The following LARP4B variants were observed in gnomAD, a reference collection of about 807,000 sequenced individuals.
LARP4B encodes La ribonucleoprotein 4B.
A neutral mutation model predicts 89.8 loss-of-function variants in LARP4B; 12 were observed. The ratio of observed to expected loss-of-function variants is 0.13; its 90% CI spans 0.09 to 0.22. LARP4B has a LOEUF of 0.22. LARP4B is among the 10% of genes least tolerant of loss of function. The pLI, the probability that LARP4B is intolerant of heterozygous loss-of-function variation, is 1.00. For missense variants in LARP4B, 757 were observed against 947.7 expected, an observed-to-expected ratio of 0.80 and a Z score of 2.64; for synonymous variants, 367 against 363.3, an observed-to-expected ratio of 1.01 and a Z score of -0.12.
At chr10:908,071 T>G (rs1400192506) in intron 1 of LARP4B, among the ~76,000 whole-genome samples, 2 of 152,162 alleles carry the variant, frequency 1.3e-5, no homozygotes, top group East Asian at 3.8e-4. Context: ...CTGGGCCTGG[T>G]GGCGGGCACC....
chr10:921,055 C>A (rs946586068), intron 1 of LARP4B, among the ~76,000 whole-genome samples: 4 of 152,152 alleles, frequency 2.6e-5, no homozygotes, highest in African/African-American at 9.7e-5. Flanking sequence ...AGGCGGATCA[C>A]CTGAGGTGGG....
intron 5 of LARP4B, among the ~76,000 whole-genome samples, chr10:856,841 A>C (rs533279815): frequency 5.9e-5 from 9 of 152,332 alleles, no homozygotes; most frequent in African/African-American, 2.2e-4. Context: ...GTTTAACCAC[A>C]GTCCAACTTG....
the LARP4B span, among the ~76,000 whole-genome samples, chr10:957,499 T>G: frequency 2.0e-5 from 3 of 152,258 alleles, no homozygotes; most frequent in South Asian, 6.2e-4. Context: ...ATTTTGGGAT[T>G]GATGATGAAT....
At chr10:941,643 G>C in the LARP4B span, among the ~76,000 whole-genome samples, 1 of 152,338 alleles carries the variant, frequency 6.6e-6, no homozygotes, top group East Asian at 1.9e-4. Flanking sequence ...TTAAGCGATT[G>C]CAATTCCACC....
chr10:950,963 C>T, the LARP4B span, among the ~76,000 whole-genome samples: 1 of 151,986 alleles, frequency 6.6e-6, no homozygotes, highest in East Asian at 1.9e-4. Flanking sequence ...TTCCGTCCTT[C>T]CCGCCTGCCT....
chr10:945,179 T>C, the LARP4B span, among the ~76,000 whole-genome samples: 1 of 143,756 alleles, frequency 7.0e-6, no homozygotes, highest in Non-Finnish European at 1.5e-5. Context: ...AGGTCAGGAG[T>C]TCGAGACCAG....
chr10:925,993 T>C (rs1402652733), intron 1 of LARP4B, among the ~76,000 whole-genome samples: 1 of 152,250 alleles, frequency 6.6e-6, no homozygotes, highest in Non-Finnish European at 1.5e-5. Flanking sequence ...AACTTTCTAA[T>C]GTATGCTTTT....
chr10:932,185 C>G (rs1209745050), upstream of LARP4B, among the ~76,000 whole-genome samples: 172 of 147,898 alleles, frequency 1.2e-3, 2 homozygotes, highest in Non-Finnish European at 2.1e-3. Context: ...GGCCCTGCCC[C>G]GAACCCCTCA....
rs769337218 is a variant in LARP4B at position 814,868 on chromosome 10, G to A, written c.1821-18C>T. ...TGGGATCACTGTAAAAATGCCACCC[G>A]ATATTTGAATCTCATGCAACATCAC... On this transcript the variant is annotated intron_variant, in intron 16 of 17. Transcript: ENST00000316157. The surrounding 1 kb of genome is among the most constrained non-coding windows in gnomAD (Gnocchi z 4.4). 2.0e-5 allele frequency: 31 copies of A among 1,582,762 alleles called. No individual in the cohort carries two copies. Among genetic ancestry groups the A allele is most frequent in the Admixed American group, 1.0e-4 (6 of 58,358 alleles).
the LARP4B span, among the ~76,000 whole-genome samples, chr10:966,926 T>G: frequency 6.6e-6 from 1 of 152,218 alleles, no homozygotes; most frequent in Admixed American, 6.5e-5. Flanking sequence ...GGCCACCCCC[T>G]CTTCCCCACT....
Position 820,856 on chromosome 10 carries a change from G to C in LARP4B, c.1485-11C>G, listed in dbSNP as rs774034826. On this transcript the variant is annotated splice_polypyrimidine_tract_variant and intron_variant, in intron 13 of 17. Coordinates refer to ENST00000316157, the MANE Select transcript of LARP4B (RefSeq NM_015155.3). ...CCAAAGGAATTCTTCCTAGAGGAGT[G>C]GAAAGTGAAAGACTGTTATTTTTTT... 6.2e-7 allele frequency: 1 copy of C among 1,612,316 alleles called. No individual in the cohort carries two copies. The highest frequency in any genetic ancestry group is 1.1e-5 in the South Asian group (1 of 90,578).
chr10:982,872 G>T, the LARP4B span, among the ~76,000 whole-genome samples: 2 of 152,246 alleles, frequency 1.3e-5, no homozygotes, highest in African/African-American at 4.8e-5. Context: ...TATTTGCTGG[G>T]TAGGGATCAT....
chr10:901,857 T>G (rs1836354002), intron 1 of LARP4B, among the ~76,000 whole-genome samples: 1 of 152,106 alleles, frequency 6.6e-6, no homozygotes, highest in Non-Finnish European at 1.5e-5. Flanking sequence ...ATAGTTTGAG[T>G]TGGTTCTCCT....
chr10:890,502 A>C (rs1794410687), intron 1 of LARP4B, among the ~76,000 whole-genome samples: 1 of 152,198 alleles, frequency 6.6e-6, no homozygotes. Flanking sequence ...AGAGTGAATC[A>C]ATTTAAATAA....
At chr10:927,778 G>A (rs1837186073) in intron 1 of LARP4B, among the ~76,000 whole-genome samples, 1 of 152,130 alleles carries the variant, frequency 6.6e-6, no homozygotes, top group South Asian at 2.1e-4. Context: ...ATTGGAAAAA[G>A]GTTGTTTTGA....
At chr10:847,150 C>G (rs1176438686) in intron 5 of LARP4B, among the ~76,000 whole-genome samples, 1 of 152,132 alleles carries the variant, frequency 6.6e-6, no homozygotes, top group East Asian at 1.9e-4. Flanking sequence ...GGACAGCAAG[C>G]AGACAGCTGA....
intron 3 of LARP4B, 30 bp downstream of exon 3, chr10:884,417 A>T (rs1835789617): frequency 6.8e-7 from 1 of 1,470,532 alleles, no homozygotes; most frequent in Non-Finnish European, 9.5e-7. Context: ...GTGATTAAAA[A>T]ATCTGTGATT....
chr10:855,116 T>A (rs532171616), intron 5 of LARP4B, among the ~76,000 whole-genome samples: 50 of 152,338 alleles, frequency 3.3e-4, no homozygotes, highest in Middle Eastern at 3.4e-3. Flanking sequence ...GGATTAGACT[T>A]TGGCTTAAGG....
intron 3 of LARP4B, among the ~76,000 whole-genome samples, chr10:866,115 G>A (rs568947357): frequency 5.3e-5 from 8 of 152,290 alleles, no homozygotes; most frequent in African/African-American, 1.2e-4. Flanking sequence ...TGGTTTGTTC[G>A]TTCCTGCTCC....
Sources: gnomAD v4.1 joint callset for allele counts (sites outside exome capture counted in the v4.1 genomes callset) on GRCh38, gnomAD v4.1.1 for gene constraint, Gnocchi (gnomAD v3.1) non-coding constraint, MANE v1.5 for transcripts, NCBI Gene and HGNC (gene_info 2026-07-23, HGNC 2026-07-21) for gene names.